Variants in DNAJC3 observed in about 807,000 individuals in gnomAD.
The protein encoded by DNAJC3 is DnaJ heat shock protein family (Hsp40) member C3.
A neutral mutation model predicts 68.6 loss-of-function variants in DNAJC3; 38 were observed. The observed-to-expected ratio is 0.55, with a 90% CI of 0.43 to 0.73. The LOEUF (loss-of-function observed/expected upper bound fraction) is 0.73. Among genes scored for constraint, DNAJC3 ranks in the 30% least tolerant of loss-of-function variants. The probability of loss-of-function intolerance (pLI) is 0.00; values close to 1 mark genes in which losing one functional copy is unlikely to be tolerated. For missense variants in DNAJC3, 526 were observed against 591.9 expected (o/e 0.89, Z 1.16); for synonymous variants, 203 against 204.0 (o/e 1.00, Z 0.04).
intron 2 of DNAJC3, among the ~76,000 whole-genome samples, chr13:95,713,689 G>A (rs965487769): frequency 1.3e-5 from 2 of 152,186 alleles, no homozygotes; most frequent in African/African-American, 4.8e-5. Flanking sequence ...TTGTGGACGA[G>A]ATTTAAGACA....
At chr13:95,777,072 T>A (rs1412914241) in intron 9 of DNAJC3, among the ~76,000 whole-genome samples, 1 of 152,226 alleles carries the variant, frequency 6.6e-6, no homozygotes, top group Non-Finnish European at 1.5e-5. Flanking sequence ...CTTATAGTAG[T>A]TTCCTCAGGG....
chr13:95,684,508 A>G (rs1443740747), intron 1 of DNAJC3, among the ~76,000 whole-genome samples: 1 of 152,182 alleles, frequency 6.6e-6, no homozygotes, highest in Non-Finnish European at 1.5e-5. Flanking sequence ...GAGTTGGAAA[A>G]TTTTCAGTCT....
chr13:95,770,776 C>T (rs920817828), intron 9 of DNAJC3, among the ~76,000 whole-genome samples: 1 of 152,198 alleles, frequency 6.6e-6, no homozygotes, highest in African/African-American at 2.4e-5. Flanking sequence ...GAGCTCACAG[C>T]TCTCGTACAC....
chr13:95,739,961 T>C (rs1882070342), intron 4 of DNAJC3, among the ~76,000 whole-genome samples: 1 of 152,186 alleles, frequency 6.6e-6, no homozygotes, highest in Non-Finnish European at 1.5e-5. Flanking sequence ...TTTTGGTCTT[T>C]GATGATGGTG....
chr13:95,753,372 T>G (rs1319722727), intron 4 of DNAJC3, among the ~76,000 whole-genome samples: 3 of 152,202 alleles, frequency 2.0e-5, no homozygotes, highest in African/African-American at 7.2e-5. Flanking sequence ...TTTTATATAG[T>G]TCTTTTAACA....
chr13:95,779,119 C>CTTTTTTTTTTTTTTTT (rs142933580), intron 9 of DNAJC3, among the ~76,000 whole-genome samples: 1 of 97,972 alleles, frequency 1.0e-5, no homozygotes, highest in Non-Finnish European at 1.9e-5. Flanking sequence ...TTTCTTCTTT[C>CTTTTTTTTTTTTTTTT]TTTTTTTTTT....
intron 9 of DNAJC3, among the ~76,000 whole-genome samples, chr13:95,764,722 A>G (rs1416440341): frequency 7.8e-6 from 1 of 128,066 alleles, no homozygotes; most frequent in Non-Finnish European, 1.6e-5. Context: ...ATATATACAC[A>G]TATATATATA....
rs1883796307 is a variant in DNAJC3 at position 95,792,153 on chromosome 13, G to A, written c.*1123G>A. 6.6e-6 allele frequency: 1 copy of A among 152,198 alleles called. No homozygotes were observed. The highest frequency in any genetic ancestry group is 2.1e-4 in the South Asian group (1 of 4,834). 9.4% of individuals were successfully genotyped at this position (152,198 alleles called of 1,614,324 possible). A position where few individuals can be genotyped will look rare whatever the true frequency, so the allele number is the denominator to read the frequency against. On this transcript the variant is annotated 3_prime_UTR_variant, in exon 12 of 12. Transcript: ENST00000602402. ...AAGAAAATACAGGCAAGGTTAGTCA[G>A]GTCTGGCTATATTTCCACTGTTGTT... is the stretch of plus-strand genomic sequence containing the variant.
At chr13:95,752,095 C>G (rs934705945) in intron 4 of DNAJC3, among the ~76,000 whole-genome samples, 2 of 152,134 alleles carry the variant, frequency 1.3e-5, no homozygotes, top group Admixed American at 1.3e-4. Context: ...TTACATTTTC[C>G]TGCTTCATTA....
Position 95,765,840 on chromosome 13 carries a change from A to G in DNAJC3, c.1075+1887A>G, listed in dbSNP as rs148259801. Among the ~76,000 whole-genome samples, 542 of 152,158 alleles carry G rather than the reference A, an allele frequency of 3.6e-3. 3 individuals are homozygous for G. Among genetic ancestry groups the G allele is most frequent in the African/African-American group, 0.012 (514 of 41,530 alleles). ...GCCTGCCTTGGCCTCCCAAAGTGCT[A>G]GGATCAATTGGCCCTGCCCAATTGA... On this transcript the variant is annotated intron_variant, in intron 9 of 11. Coordinates refer to ENST00000602402, the MANE Select transcript of DNAJC3 (RefSeq NM_006260.5).
intron 4 of DNAJC3, among the ~76,000 whole-genome samples, chr13:95,753,351 A>G (rs769901399): frequency 2.0e-4 from 31 of 152,086 alleles, no homozygotes; most frequent in Non-Finnish European, 4.3e-4. Flanking sequence ...GGACATTCAA[A>G]TTAGTGTTAT....
rs750074799 is a variant in DNAJC3, at chr13:95,677,850, C to T, written c.82+513C>T. ...GACTATTTAAAAAGTGTGTAACCAT[C>T]CCCATTAAGATGCACTGTCGTGTAG... On this transcript the variant is annotated intron_variant, in intron 1 of 11. Transcript: ENST00000602402. 2.6e-5 allele frequency among the ~76,000 whole-genome samples: 4 copies of T among 152,304 alleles called. 1 individual carries two copies. The South Asian group carries it at 8.3e-4, about 32-fold the overall frequency.
intron 9 of DNAJC3, among the ~76,000 whole-genome samples, chr13:95,784,530 G>GT (rs1402778187): frequency 1.3e-5 from 2 of 152,124 alleles, no homozygotes; most frequent in African/African-American, 2.4e-5. Flanking sequence ...TGCACCCAGA[G>GT]TTTTTTTGGG....
intron 9 of DNAJC3, among the ~76,000 whole-genome samples, chr13:95,782,975 C>T (rs533336362): frequency 1.3e-5 from 2 of 152,164 alleles, no homozygotes; most frequent in African/African-American, 2.4e-5. Flanking sequence ...TAGTCCACCT[C>T]GAGTTAATTT....
intron 10 of DNAJC3, among the ~76,000 whole-genome samples, chr13:95,786,513 C>T (rs1190600009): frequency 6.6e-6 from 1 of 152,188 alleles, no homozygotes; most frequent in Non-Finnish European, 1.5e-5. Flanking sequence ...AATGATACAC[C>T]TCCCAGTGCC....
intron 2 of DNAJC3, among the ~76,000 whole-genome samples, chr13:95,712,408 G>T (rs1351584072): frequency 1.4e-5 from 2 of 140,268 alleles, no homozygotes; most frequent in African/African-American, 5.4e-5. Flanking sequence ...GAGTCTCGCT[G>T]TGTCACCCAG....
At chr13:95,735,122 C>A (rs1881863857) in intron 4 of DNAJC3, among the ~76,000 whole-genome samples, 1 of 150,380 alleles carries the variant, frequency 6.6e-6, no homozygotes, top group African/African-American at 2.5e-5. Context: ...TTTCCAATTT[C>A]ATCCATGTCC....
chr13:95,759,911 C>G (rs1350566232), intron 5 of DNAJC3, 129 bp from the exon 6 acceptor site: 8 of 884,658 alleles, frequency 9.0e-6, no homozygotes, highest in Admixed American at 6.7e-5. Context: ...AATATTTGCA[C>G]TATATAAGTC....
At chr13:95,723,136 C>A in intron 2 of DNAJC3, 106 bp from the exon 3 acceptor site, 1 of 996,648 alleles carries the variant, frequency 1.0e-6, no homozygotes, top group Non-Finnish European at 1.4e-6. Flanking sequence ...TCTTAATGTC[C>A]ATCTTAGTAG....
Sources: gnomAD v4.1 joint callset for allele counts (sites outside exome capture counted in the v4.1 genomes callset) on GRCh38, gnomAD v4.1.1 for gene constraint, MANE v1.5 for transcripts, NCBI Gene and HGNC (gene_info 2026-07-23, HGNC 2026-07-21) for gene names.